The following RTN4RL1 variants were observed in gnomAD, a reference collection of about 807,000 sequenced individuals.
RTN4RL1 encodes reticulon 4 receptor like 1.
In RTN4RL1, 7 loss-of-function variants were observed where a neutral mutation model predicts 25.6. The observed-to-expected ratio is 0.27, with a 90% CI of 0.16 to 0.51. The LOEUF is 0.51. Ranked by LOEUF, RTN4RL1 falls within the 20% of genes least tolerant of loss-of-function variation. The pLI is 0.97. For synonymous variants in RTN4RL1, 297 were observed against 288.2 expected (o/e 1.03, Z -0.31); for missense variants, 500 against 615.6 (o/e 0.81, Z 1.99).
At chr17:2,020,421 ACT>A (rs1341380536) in intron 1 of RTN4RL1, 1 of 151,958 alleles carries the variant, frequency 6.6e-6, no homozygotes, top group African/African-American at 2.4e-5. Flanking sequence ...ACACTTGAAG[ACT>A]CTCCAAACAC....
In RTN4RL1 at chr17:1,994,977, C is replaced by A. The variant is rs981203011; in HGVS notation, c.13+29876G>T. Among the ~76,000 whole-genome samples, 2 of 151,460 alleles carry A rather than the reference C, an allele frequency of 1.3e-5. No individual in the cohort carries two copies. The highest frequency in any genetic ancestry group is 2.9e-5 in the Non-Finnish European group (2 of 67,920). ...GAAATGAGATGACAGAGGCTGTCAA[C>A]AGATGGCCAGAAATACTCCCAAGGC... is the stretch of plus-strand genomic sequence containing the variant. On this transcript the variant is annotated intron_variant, in intron 1 of 1. Transcript: ENST00000331238. The surrounding 1 kb of genome is among the most constrained non-coding windows in gnomAD (Gnocchi z 4.3).
chr17:2,014,569 T>C (rs553777090), intron 1 of RTN4RL1, among the ~76,000 whole-genome samples: 3 of 152,312 alleles, frequency 2.0e-5, no homozygotes, highest in Non-Finnish European at 2.9e-5. Flanking sequence ...CGGTGGCTCA[T>C]GCCTGTAATC....
At chr17:1,939,797 G>T (rs949222756) in intron 1 of RTN4RL1, among the ~76,000 whole-genome samples, 1 of 152,074 alleles carries the variant, frequency 6.6e-6, no homozygotes, top group Admixed American at 6.5e-5. Context: ...CCAGGCAGGC[G>T]CGCCGAGGTT....
chr17:1,943,101 C>G (rs1472949299), intron 1 of RTN4RL1, among the ~76,000 whole-genome samples: 2 of 152,192 alleles, frequency 1.3e-5, no homozygotes, highest in Non-Finnish European at 2.9e-5. Context: ...GCTTCCCGGC[C>G]CCTGGAAGCA....
chr17:1,949,066 T>C lies in RTN4RL1; in HGVS notation c.14-11258A>G, dbSNP rs1398862519. On this transcript the variant is annotated intron_variant, in intron 1 of 1. Transcript: ENST00000331238. ...CCGCCTCCCGGGTTCAAGGCATTCT[T>C]CTGCCTCAGCCTCCAGAGTAGCTGG... Among the ~76,000 whole-genome samples the C allele has an allele frequency of 1.2e-3, 184 of 151,586 alleles. 1 individual carries two copies. The highest frequency in any genetic ancestry group is 4.1e-3 in the African/African-American group (171 of 41,328).
In RTN4RL1 at chr17:2,007,262, T is replaced by C. The variant is rs368905556; in HGVS notation, c.13+17591A>G. ...CCACCCAGATCCCAAAGAAAACAAA[T>C]GCCTCTGTACACCTTCCTCCTCTGG... On this transcript the variant is annotated intron_variant, in intron 1 of 1. Coordinates refer to ENST00000331238, the MANE Select transcript of RTN4RL1 (RefSeq NM_178568.4). Among the ~76,000 whole-genome samples, 56 of 151,376 alleles carry C rather than the reference T, an allele frequency of 3.7e-4. 1 individual carries two copies. The highest frequency in any genetic ancestry group is 1.3e-3 in the African/African-American group (52 of 41,096).
rs1597244547 is a variant in RTN4RL1, at chr17:2,009,636, C to T, written c.13+15217G>A. The stretch of plus-strand genomic sequence containing the variant: ...AGGATTCATGGGAATCAATCTCTGA[C>T]CTTATACTCAAACTGCAGCCTGGGC... On this transcript the variant is annotated intron_variant, in intron 1 of 1. Transcript: ENST00000331238. 2.4e-5 allele frequency among the ~76,000 whole-genome samples: 3 copies of T among 124,412 alleles called. 1 individual carries two copies. Among genetic ancestry groups the T allele is most frequent in the African/African-American group, 9.3e-5 (3 of 32,334 alleles). 81.6% of individuals were successfully genotyped at this position (124,412 alleles called of 152,430 possible).
intron 1 of RTN4RL1, among the ~76,000 whole-genome samples, chr17:2,009,004 G>T (rs1160335450): frequency 2.0e-5 from 3 of 152,164 alleles, no homozygotes; most frequent in East Asian, 3.8e-4. Flanking sequence ...CTGGAACACA[G>T]TGAGAGTTCA....
chr17:1,951,726 T>C (rs1292301157), intron 1 of RTN4RL1, among the ~76,000 whole-genome samples: 2 of 151,970 alleles, frequency 1.3e-5, no homozygotes, highest in Non-Finnish European at 2.9e-5. Flanking sequence ...GTGCTGGGAT[T>C]ACAGGCGTGA....
chr17:1,957,697 C>T (rs1452408742), intron 1 of RTN4RL1, among the ~76,000 whole-genome samples: 2 of 151,746 alleles, frequency 1.3e-5, no homozygotes, highest in African/African-American at 4.8e-5. Flanking sequence ...AGAAATTAGC[C>T]GGGCATGTTG....
rs546881290 is a variant in RTN4RL1 at position 1,997,868 on chromosome 17, G to A, written c.13+26985C>T. ...TCCCCGCAGACCCCCGACCCCAGCT[G>A]ACGCCCTCTGAGAAGGGAGGTGACA... On this transcript the variant is annotated intron_variant, in intron 1 of 1. Coordinates refer to ENST00000331238, the MANE Select transcript of RTN4RL1 (RefSeq NM_178568.4). 3.9e-5 allele frequency among the ~76,000 whole-genome samples: 6 copies of A among 152,302 alleles called. No individual in the cohort carries two copies. The East Asian group carries it at 1.2e-3, about 29-fold the overall frequency.
intron 1 of RTN4RL1, among the ~76,000 whole-genome samples, chr17:2,012,590 C>T (rs530140190): frequency 1.3e-3 from 192 of 151,832 alleles, no homozygotes; most frequent in African/African-American, 4.5e-3. Flanking sequence ...TTCTCCTTCT[C>T]TCTCTGTTTT....
intron 1 of RTN4RL1, among the ~76,000 whole-genome samples, chr17:2,012,007 G>A (rs934287229): frequency 2.6e-5 from 4 of 152,134 alleles, no homozygotes; most frequent in Admixed American, 1.3e-4. Context: ...TCAAAGTAAC[G>A]AGTCAATTTC....
chr17:1,936,907 CG>C lies in RTN4RL1; in HGVS notation c.914del (p.Thr305ArgfsTer162). ...LLRAEDFRNC[T>X]GPASPHQIKS... ...TGATCTGGTGCGGGGACGCTGGTCC[CG>C]TGCAGTTCCGGAAGTCCTCGGCCCT... On this transcript the variant is annotated frameshift_variant, in exon 2 of 2. Transcript: ENST00000331238. LOFTEE classifies it high-confidence loss of function. 6.2e-7 allele frequency: 1 copy of C among 1,609,688 alleles called. No individual in the cohort carries two copies. The highest frequency in any genetic ancestry group is 8.5e-7 in the Non-Finnish European group (1 of 1,178,620).
chr17:1,937,899 G>T (rs988577272), intron 1 of RTN4RL1, 91 bp from the exon 2 acceptor site: 10 of 1,047,778 alleles, frequency 9.5e-6, no homozygotes, highest in South Asian at 3.2e-5. Flanking sequence ...ACGCATCCTC[G>T]TCTTGGCTGA....
chr17:1,964,979 G>C (rs1420509760), intron 1 of RTN4RL1, among the ~76,000 whole-genome samples: 2 of 111,818 alleles, frequency 1.8e-5, no homozygotes, highest in African/African-American at 6.1e-5. Context: ...AGTAGAGACA[G>C]GGTTTCACCA....
At chr17:1,946,358 C>T (rs1487402445) in intron 1 of RTN4RL1, among the ~76,000 whole-genome samples, 1 of 152,260 alleles carries the variant, frequency 6.6e-6, no homozygotes, top group Admixed American at 6.5e-5. Flanking sequence ...ATGCGTCCCG[C>T]TCAGTCCCTG....
chr17:1,998,769 G>A lies in RTN4RL1; in HGVS notation c.13+26084C>T, dbSNP rs2066941836. On this transcript the variant is annotated intron_variant, in intron 1 of 1. Transcript: ENST00000331238. This position sits in a 1 kb window ranked among gnomAD's most constrained non-coding sequence, Gnocchi z 4.9. ...GGACAGGGGCGGCCTCGCGCGCACG[G>A]GGACCCCGGGGTGGGGGTGGGGGTG... 6.6e-6 allele frequency among the ~76,000 whole-genome samples: 1 copy of A among 151,560 alleles called. No individual in the cohort carries two copies. The highest frequency in any genetic ancestry group is 1.5e-5 in the Non-Finnish European group (1 of 67,712).
intron 1 of RTN4RL1, among the ~76,000 whole-genome samples, chr17:2,007,689 T>G (rs1359457585): frequency 6.6e-6 from 1 of 152,200 alleles, no homozygotes; most frequent in Non-Finnish European, 1.5e-5. Flanking sequence ...CTCACGCCTG[T>G]AATCCCAGCA....
Sources: allele counts gnomAD v4.1 joint callset (sites outside exome capture counted in the v4.1 genomes callset), GRCh38; gene constraint gnomAD v4.1.1; non-coding constraint Gnocchi (gnomAD v3.1); transcripts MANE v1.5; gene names NCBI Gene and HGNC (gene_info 2026-07-23, HGNC 2026-07-21).